The following DCP1B variants were observed in gnomAD, a reference collection of about 807,000 sequenced individuals.
DCP1B encodes decapping mRNA 1B.
Under a neutral mutation model 60.5 loss-of-function variants are expected in DCP1B, and 47 were observed. That is an observed-to-expected ratio of 0.78 (90% CI 0.61 to 0.99). DCP1B has a LOEUF of 0.99. Among genes scored for constraint, DCP1B ranks in the 50% least tolerant of loss-of-function variants. The probability of loss-of-function intolerance (pLI) is 0.00; values close to 1 mark genes in which losing one functional copy is unlikely to be tolerated. For synonymous variants in DCP1B, 267 were observed against 280.3 expected, an observed-to-expected ratio of 0.95 and a Z score of 0.47; for missense variants, 725 against 756.8, an observed-to-expected ratio of 0.96 and a Z score of 0.49.
chr12:1,990,445 T>C (rs1213917119), intron 3 of DCP1B, among the ~76,000 whole-genome samples: 1 of 151,822 alleles, frequency 6.6e-6, no homozygotes, highest in African/African-American at 2.4e-5. Flanking sequence ...TTACTCTATT[T>C]ATCAAGCATC....
chr12:1,975,825 C>T lies in DCP1B; in HGVS notation c.320-7915G>A, dbSNP rs572557891. Among the ~76,000 whole-genome samples, 7 of 152,242 alleles carry T rather than the reference C, an allele frequency of 4.6e-5. 1 individual carries two copies. Among genetic ancestry groups the T allele is most frequent in the African/African-American group, 1.4e-4 (6 of 41,544 alleles). On this transcript the variant is annotated intron_variant, in intron 3 of 8. Coordinates refer to ENST00000280665, the MANE Select transcript of DCP1B (RefSeq NM_152640.5). ...CTCAGCATGTCAGATTGTTAAGTTA[C>T]ATAAGAAATGTATATATTCACATGA... is the stretch of plus-strand genomic sequence containing the variant.
At chr12:1,979,639 C>A (rs990999095) in intron 3 of DCP1B, among the ~76,000 whole-genome samples, 1 of 152,194 alleles carries the variant, frequency 6.6e-6, no homozygotes, top group Non-Finnish European at 1.5e-5. Flanking sequence ...TAACTACGAA[C>A]GGAACTTGTT....
chr12:1,954,085 G>A (rs1281348291), intron 6 of DCP1B, among the ~76,000 whole-genome samples: 11 of 152,112 alleles, frequency 7.2e-5, no homozygotes, highest in Admixed American at 7.2e-4. Context: ...GGGAGGCTGA[G>A]GTGGGAGGAT....
Position 1,965,562 on chromosome 12 carries a change from G to A in DCP1B, c.518C>T (p.Thr173Ile). Residue 173 changes from threonine to isoleucine, a missense_variant, in exon 5 of 9, where the codon ACA (threonine) becomes ATA (isoleucine). By Grantham distance (89) the Thr-to-Ile change is moderately conservative. Coordinates refer to ENST00000280665, the MANE Select transcript of DCP1B (RefSeq NM_152640.5). ...CAAGGAAGGGCAAACACTCACCTTT[G>A]TGTATTCGTCTTTGGCCTTGATGAG... Reference protein sequence around the residue: ...RMLIKAKDEYTKCKTCSEPKK... With the variant: ...RMLIKAKDEYIKCKTCSEPKK... The A allele has an allele frequency of 6.2e-7, 1 of 1,612,146 alleles. No individual in the cohort carries two copies.
chr12:1,974,997 A>G (rs867386167), intron 3 of DCP1B, among the ~76,000 whole-genome samples: 2 of 152,164 alleles, frequency 1.3e-5, no homozygotes, highest in Middle Eastern at 3.2e-3. Flanking sequence ...TAACAATGAT[A>G]GGAATAGCTC....
At chr12:1,961,445 GA>G (rs1475337773) in intron 5 of DCP1B, 2 of 152,162 alleles carry the variant, frequency 1.3e-5, no homozygotes, top group Non-Finnish European at 2.9e-5. Context: ...CTCACAGTTG[GA>G]GCAACTGACA....
At chr12:1,943,949 G>A (rs2030342931), downstream of DCP1B, among the ~76,000 whole-genome samples, 1 of 152,138 alleles carries the variant, frequency 6.6e-6, no homozygotes, top group Non-Finnish European at 1.5e-5. Context: ...GGGCAATCAG[G>A]CAAGAGAAAG....
At chr12:1,960,501 T>A (rs1204069120) in intron 5 of DCP1B, among the ~76,000 whole-genome samples, 2 of 152,212 alleles carry the variant, frequency 1.3e-5, no homozygotes, top group African/African-American at 4.8e-5. Context: ...TAATATATTG[T>A]ATACTGAAAG....
At chr12:1,982,809 T>A (rs2154465920) in intron 3 of DCP1B, among the ~76,000 whole-genome samples, 1 of 152,260 alleles carries the variant, frequency 6.6e-6, no homozygotes, top group African/African-American at 2.4e-5. Context: ...ATAAAATGAG[T>A]TGGAAAATAA....
chr12:1,953,488 C>T (rs1312875672), intron 6 of DCP1B, among the ~76,000 whole-genome samples, 200 bp from the exon 7 acceptor site: 1 of 151,952 alleles, frequency 6.6e-6, no homozygotes, highest in East Asian at 1.9e-4. Flanking sequence ...CCCCTTGCAC[C>T]CCCAAAACAG....
At chr12:1,991,178 CG>C (rs1565848086) in intron 3 of DCP1B, 1 of 456,058 alleles carries the variant, frequency 2.2e-6, no homozygotes, top group South Asian at 1.5e-5. Context: ...GAAAAAGCAA[CG>C]GAAGTGAAAT....
rs963893878 is a variant in DCP1B at position 1,990,353 on chromosome 12, C to G, written c.319+2911G>C. On this transcript the variant is annotated intron_variant, in intron 3 of 8. Transcript: ENST00000280665. ...TTTAAAGTTCATACAGGTCAAACCC[C>G]ATTTTAACAATGTTTAAACCCTTTA... Among the ~76,000 whole-genome samples the G allele has an allele frequency of 6.6e-5, 10 of 152,226 alleles. No homozygotes were observed. In the East Asian group the frequency reaches 1.7e-3, roughly 26 times the overall value.
chr12:1,943,846 A>G (rs1303835131), downstream of DCP1B, among the ~76,000 whole-genome samples: 2 of 152,244 alleles, frequency 1.3e-5, no homozygotes, highest in Non-Finnish European at 2.9e-5. Flanking sequence ...CTGAATGGGC[A>G]AAAGTTGAAA....
chr12:1,965,798 C>T (rs552788008), intron 4 of DCP1B, 105 bp from the exon 5 acceptor site: 1 of 1,322,082 alleles, frequency 7.6e-7, no homozygotes, highest in Admixed American at 3.5e-5. Flanking sequence ...CTGTTACAAC[C>T]ATATTAGAAA....
chr12:1,986,065 G>A (rs543753012), intron 3 of DCP1B, among the ~76,000 whole-genome samples: 1 of 152,282 alleles, frequency 6.6e-6, no homozygotes, highest in African/African-American at 2.4e-5. Context: ...TGCCCGCCTT[G>A]GCCTCCCAAA....
intron 3 of DCP1B, among the ~76,000 whole-genome samples, chr12:1,974,014 G>C (rs1292913597): frequency 6.6e-6 from 1 of 152,058 alleles, no homozygotes; most frequent in East Asian, 1.9e-4. Flanking sequence ...TAGTAAAAAA[G>C]GTAATAAATT....
At chr12:1,972,303 T>C (rs1419939822) in intron 3 of DCP1B, among the ~76,000 whole-genome samples, 1 of 152,244 alleles carries the variant, frequency 6.6e-6, no homozygotes, top group Admixed American at 6.5e-5. Context: ...TATCTAATCA[T>C]ATATTTGTGT....
At chr12:2,001,187 T>C (rs2042124054) in intron 1 of DCP1B, among the ~76,000 whole-genome samples, 1 of 152,236 alleles carries the variant, frequency 6.6e-6, no homozygotes, top group Admixed American at 6.5e-5. Context: ...CGCATTTTCC[T>C]GGCCCCTCCA....
rs563473176 is a variant in DCP1B at position 1,964,155 on chromosome 12, C to G, written c.522+1403G>C. Among the ~76,000 whole-genome samples the G allele has an allele frequency of 2.0e-5, 3 of 152,256 alleles. No individual in the cohort carries two copies. The East Asian group carries it at 5.8e-4, about 29-fold the overall frequency. On this transcript the variant is annotated intron_variant, in intron 5 of 8. Coordinates refer to ENST00000280665, the MANE Select transcript of DCP1B (RefSeq NM_152640.5). Reference sequence around the variant, plus strand: ...TATAACCCACTAAGAGTGTTCAGTTCAAGCAGCGGGCTTTGAAGTCACTCT... The same window carrying G: ...TATAACCCACTAAGAGTGTTCAGTTGAAGCAGCGGGCTTTGAAGTCACTCT...
Sources: gnomAD v4.1 joint callset for allele counts (sites outside exome capture counted in the v4.1 genomes callset) on GRCh38, gnomAD v4.1.1 for gene constraint, MANE v1.5 for transcripts, NCBI Gene and HGNC (gene_info 2026-07-23, HGNC 2026-07-21) for gene names.